Variants in RPAP2 observed in about 807,000 individuals in gnomAD.
The protein encoded by RPAP2 is RNA polymerase II associated protein 2.
A neutral mutation model predicts 73.1 loss-of-function variants in RPAP2; 52 were observed. The observed-to-expected ratio is 0.71, with a 90% CI of 0.57 to 0.90. The LOEUF (loss-of-function observed/expected upper bound fraction) is 0.90. Ranked by LOEUF, RPAP2 falls within the 40% of genes least tolerant of loss-of-function variation. The pLI, the probability that RPAP2 is intolerant of heterozygous loss-of-function variation, is 0.00. For synonymous variants in RPAP2, 225 were observed against 242.1 expected, an observed-to-expected ratio of 0.93 and a Z score of 0.65; for missense variants, 598 against 701.8, an observed-to-expected ratio of 0.85 and a Z score of 1.67.
At chr1:92,383,901 T>C (rs1367885531) in intron 12 of RPAP2, among the ~76,000 whole-genome samples, 2 of 152,214 alleles carry the variant, frequency 1.3e-5, no homozygotes, top group African/African-American at 2.4e-5. Context: ...GGGTTTGTCA[T>C]AGATAGCTCT....
rs147067163 is a variant in RPAP2, at chr1:92,311,255, C to G, written c.488+3979C>G. ...AAAAGGAAAAAGTTGCATTCAACTT[C>G]CGAGTTCCCTTTGGTTCTAATGATT... is the stretch of plus-strand genomic sequence containing the variant. On this transcript the variant is annotated intron_variant, in intron 6 of 12. Transcript: ENST00000610020. 2.0e-5 allele frequency among the ~76,000 whole-genome samples: 3 copies of G among 152,256 alleles called. No individual in the cohort carries two copies. In the East Asian group the frequency reaches 5.8e-4, roughly 29 times the overall value.
chr1:92,336,954 CTG>C (rs1285971124), intron 10 of RPAP2, among the ~76,000 whole-genome samples: 1 of 152,054 alleles, frequency 6.6e-6, no homozygotes, highest in Non-Finnish European at 1.5e-5. Context: ...GTGAGTGAAA[CTG>C]TTGTGATTTT....
intron 12 of RPAP2, among the ~76,000 whole-genome samples, chr1:92,382,946 T>TTAATTC (rs1655709759): frequency 6.6e-6 from 1 of 152,216 alleles, no homozygotes; most frequent in Non-Finnish European, 1.5e-5. Flanking sequence ...AATTTTTGTA[T>TTAATTC]AAGGTGTAAG....
chr1:92,332,426 C>T (rs773640709), intron 8 of RPAP2, among the ~76,000 whole-genome samples: 105 of 151,726 alleles, frequency 6.9e-4, no homozygotes, highest in Non-Finnish European at 3.1e-4. Context: ...ATTTAGATTC[C>T]CTGAGGATTG....
At chr1:92,333,331 T>C (rs1653084231) in intron 8 of RPAP2, 60 bp from the exon 9 acceptor site, 3 of 1,342,172 alleles carry the variant, frequency 2.2e-6, no homozygotes, top group Non-Finnish European at 3.2e-6. Context: ...TTGTTCTGCT[T>C]ATCAAAGAAA....
Position 92,346,088 on chromosome 1 carries a change from AATT to A in RPAP2, c.1688+178_1688+180del, listed in dbSNP as rs558471138. On this transcript the variant is annotated intron_variant, in intron 11 of 12. Coordinates refer to ENST00000610020, the MANE Select transcript of RPAP2 (RefSeq NM_024813.3). ...ACAATTTTTATTTAAAGTGATATGT[AATT>A]ATTCTCTATATTTTTTACCATCTTT... is the stretch of plus-strand genomic sequence containing the variant. Among the ~76,000 whole-genome samples the A allele has an allele frequency of 8.1e-3, 1,224 of 152,044 alleles. 7 individuals carry two copies. Among genetic ancestry groups the A allele is most frequent in the Non-Finnish European group, 0.013 (859 of 67,968 alleles).
chr1:92,341,229 G>A (rs982736663), intron 10 of RPAP2, among the ~76,000 whole-genome samples: 1 of 151,908 alleles, frequency 6.6e-6, no homozygotes, highest in Admixed American at 6.6e-5. Context: ...GGCTGGTCTC[G>A]AACTCCTGAG....
At chr1:92,320,752 C>CA (rs1448437610) in intron 7 of RPAP2, 118 bp downstream of exon 7, 22 of 644,908 alleles carry the variant, frequency 3.4e-5, no homozygotes, top group Non-Finnish European at 5.1e-5. Flanking sequence ...GTAAGTGTCC[C>CA]ATTCTAGCCC....
chr1:92,323,075 TTATA>T (rs374769115), intron 7 of RPAP2, among the ~76,000 whole-genome samples: 1 of 144,848 alleles, frequency 6.9e-6, no homozygotes, highest in Non-Finnish European at 1.5e-5. Context: ...ATATATATAT[TTATA>T]TATATATATA....
chr1:92,320,589 C>T lies in RPAP2; in HGVS notation c.489-10C>T, dbSNP rs1652196381. 1 of 1,609,922 alleles carries T rather than the reference C, an allele frequency of 6.2e-7. No homozygotes were observed. Among genetic ancestry groups the T allele is most frequent in the Non-Finnish European group, 8.5e-7 (1 of 1,176,836 alleles). ...CCGGCCTAATTTTTATTTCTGTGTTCTTATTACAGGCATCCTGATTTTCAA... is the reference window on the plus strand; with the variant it reads ...CCGGCCTAATTTTTATTTCTGTGTTTTTATTACAGGCATCCTGATTTTCAA... On this transcript the variant is annotated splice_polypyrimidine_tract_variant and intron_variant, in intron 6 of 12. Transcript: ENST00000610020.
chr1:92,370,452 C>T lies in RPAP2; in HGVS notation c.1689-10272C>T, dbSNP rs145233877. On this transcript the variant is annotated intron_variant, in intron 11 of 12. Coordinates refer to ENST00000610020, the MANE Select transcript of RPAP2 (RefSeq NM_024813.3). The stretch of plus-strand genomic sequence containing the variant: ...ATGAAGGAATAACTTCAAGAGCTTT[C>T]GTACCCCCCCACCAAAAACACCCAC... Among the ~76,000 whole-genome samples, 28 of 152,220 alleles carry T rather than the reference C, an allele frequency of 1.8e-4. No homozygotes were observed. The East Asian group carries it at 4.6e-3, about 25-fold the overall frequency.
chr1:92,383,334 C>T (rs1182740699), intron 12 of RPAP2, among the ~76,000 whole-genome samples: 1 of 152,182 alleles, frequency 6.6e-6, no homozygotes, highest in Non-Finnish European at 1.5e-5. Flanking sequence ...ATGGGGATGG[C>T]ATTGAATCTA....
chr1:92,333,145 G>T, intron 8 of RPAP2: 1 of 428,722 alleles, frequency 2.3e-6, no homozygotes, highest in South Asian at 4.8e-5. Flanking sequence ...TAATAAAGGA[G>T]GTATTAATAT....
chr1:92,367,273 G>A (rs898204308), intron 11 of RPAP2, among the ~76,000 whole-genome samples: 3 of 152,186 alleles, frequency 2.0e-5, no homozygotes, highest in Non-Finnish European at 4.4e-5. Flanking sequence ...AGACTATGCT[G>A]TTAAACCTCT....
chr1:92,314,671 A>T (rs757743598), intron 6 of RPAP2, among the ~76,000 whole-genome samples: 14 of 151,946 alleles, frequency 9.2e-5, no homozygotes, highest in Non-Finnish European at 2.1e-4. Context: ...TGAACCCAGG[A>T]GGCAGAGGTT....
At position 92,392,824 on chromosome 1, in the gene RPAP2, T is replaced by G. The variant is rs962213313; in HGVS notation, c.*5813T>G. 6.6e-6 allele frequency: 1 copy of G among 151,580 alleles called. No homozygotes were observed. Among genetic ancestry groups the G allele is most frequent in the African/African-American group, 2.4e-5 (1 of 41,324 alleles). 9.4% of individuals were successfully genotyped at this position (151,580 alleles called of 1,614,324 possible). On this transcript the variant is annotated 3_prime_UTR_variant, in exon 13 of 13. Transcript: ENST00000610020. ...AAATACAAAGCACTGCTCAAGGAAA[T>G]AAGAGAGGACACAAACAAATGGAAA...
At chr1:92,305,450 A>AAAAAAAAAAAAAAAAAAAAAAAC (rs1202528088) in intron 5 of RPAP2, among the ~76,000 whole-genome samples, 1 of 141,852 alleles carries the variant, frequency 7.0e-6, no homozygotes, top group Admixed American at 6.9e-5. Flanking sequence ...AAAAAAAAAA[A>AAAAAAAAAAAAAAAAAAAAAAAC]AGACAATATG....
chr1:92,375,129 ATAC>A (rs1325100875), intron 11 of RPAP2, among the ~76,000 whole-genome samples: 4 of 152,152 alleles, frequency 2.6e-5, no homozygotes. Context: ...GCAAATCATA[ATAC>A]TCTTGAATGA....
At chr1:92,376,725 G>T (rs1655399419) in intron 11 of RPAP2, among the ~76,000 whole-genome samples, 1 of 152,148 alleles carries the variant, frequency 6.6e-6, no homozygotes, top group South Asian at 2.1e-4. Context: ...TTCATTGAGG[G>T]ATCAGTACGT....
Sources: gnomAD v4.1 joint callset for allele counts (sites outside exome capture counted in the v4.1 genomes callset) on GRCh38, gnomAD v4.1.1 for gene constraint, MANE v1.5 for transcripts, NCBI Gene and HGNC (gene_info 2026-07-23, HGNC 2026-07-21) for gene names.